ZNF580: variants seen among roughly 807,000 people sequenced by gnomAD.
ZNF580 encodes the protein LDL-induced EC protein.
In ZNF580, 1 loss-of-function variant was observed where a neutral mutation model predicts 1.3. That is an observed-to-expected ratio of 0.77 (90% CI 0.27 to 3.65). The LOEUF is 3.65. Among genes scored for constraint, ZNF580 ranks in the 30% most tolerant of loss-of-function variants. The pLI is 0.19. For missense variants in ZNF580, 268 were observed against 272.3 expected (o/e 0.98, Z 0.11); for synonymous variants, 135 against 128.8 (o/e 1.05, Z -0.32).
chr19:55,642,276 TG>T lies in ZNF580; in HGVS notation c.-12-219del, dbSNP rs1982550765. The T allele has an allele frequency of 3.2e-6, 4 of 1,241,816 alleles. No homozygotes were observed. In the African/African-American group the frequency reaches 6.2e-5, roughly 19 times the overall value. The allele number at this position is 1,241,816 out of a possible 1,614,324, so 76.9% of individuals were successfully genotyped here. On this transcript the variant is annotated intron_variant, in intron 1 of 1. Transcript: ENST00000325333. Reference sequence around the variant, plus strand: ...AGGTGGACCCAGGAGGAGTGGCAGGTGGTGGCGGGGTTTTGCAGAGCTCAGT... The same window carrying T: ...AGGTGGACCCAGGAGGAGTGGCAGGTGTGGCGGGGTTTTGCAGAGCTCAGT...
chr19:55,642,906 G>A lies in ZNF580; in HGVS notation c.398G>A (p.Ser133Asn), dbSNP rs774148399. ...GACGKAFKRS[S>N]HLSRHRATHR... ...TGCGGCAAGGCCTTCAAGCGCTCCA[G>A]CCACCTGTCGCGGCATCGCGCCACG... is the stretch of plus-strand genomic sequence containing the variant. The change falls in exon 2 of 2, where the codon AGC becomes AAC. Residue 133 changes from serine (S) to asparagine (N), a missense_variant. Ser to Asn is a conservative substitution (Grantham distance 46). Coordinates refer to ENST00000325333, the MANE Select transcript of ZNF580 (RefSeq NM_207115.2). 6.5e-7 allele frequency: 1 copy of A among 1,535,386 alleles called. No individual in the cohort carries two copies. Among genetic ancestry groups the A allele is most frequent in the Non-Finnish European group, 8.7e-7 (1 of 1,148,120 alleles).
rs1350066769 is a variant in ZNF580 at position 55,642,534 on chromosome 19, C to T, written c.26C>T (p.Pro9Leu). The T allele has an allele frequency of 2.8e-6, 4 of 1,441,820 alleles. No individual in the cohort carries two copies. Among genetic ancestry groups the T allele is most frequent in the Non-Finnish European group, 3.6e-6 (4 of 1,099,858 alleles). The allele number at this position is 1,441,820 out of a possible 1,614,324, so 89.3% of individuals were successfully genotyped here. ...ATGCTGCTGCTGCCGCCGCGGCCAC[C>T]CCACCCTCGGTCCTCCTCTCCGGAG... MLLLPPRP[P>L]HPRSSSPEAM... The change falls in exon 2 of 2, where the codon CCC becomes CTC. Residue 9 changes from proline (P) to leucine (L), a missense_variant. Transcript: ENST00000325333.
chr19:55,641,228 GC>G, intron 1 of ZNF580, 45 bp downstream of exon 1: 1 of 971,792 alleles, frequency 1.0e-6, no homozygotes. Flanking sequence ...CTGGGACGAC[GC>G]CGGGGCCAGG....
rs1263600949 is a variant in ZNF580 at position 55,642,870 on chromosome 19, C to A, written c.362C>A (p.Thr121Lys). Reference sequence around the variant, plus strand: ...TCGCACTCGGACCTCAAGCCCTTCACGTGCGGCGCCTGCGGCAAGGCCTTC... The same window carrying A: ...TCGCACTCGGACCTCAAGCCCTTCAAGTGCGGCGCCTGCGGCAAGGCCTTC... ...RVSHSDLKPFTCGACGKAFKR... is the reference protein window; with the variant it reads ...RVSHSDLKPFKCGACGKAFKR... The change falls in exon 2 of 2, where the codon ACG (threonine) becomes AAG (lysine). Residue 121 changes from threonine to lysine, a missense_variant. By Grantham distance (78) the Thr-to-Lys change is moderately conservative. This residue lies in a region of ZNF580 where 225 missense variants were observed against 201.7 expected (regional missense o/e 1.12). Transcript: ENST00000325333. 2 of 1,566,840 alleles carry A rather than the reference C, an allele frequency of 1.3e-6. No homozygotes were observed. Among genetic ancestry groups the A allele is most frequent in the Admixed American group, 1.8e-5 (1 of 56,848 alleles).
Position 55,642,841 on chromosome 19 carries a change from C to T in ZNF580, c.333C>T (p.Arg111=). The T allele has an allele frequency of 6.3e-7, 1 of 1,575,200 alleles. No individual in the cohort carries two copies. Among genetic ancestry groups the T allele is most frequent in the Non-Finnish European group, 8.6e-7 (1 of 1,169,068 alleles). The part of the protein sequence containing the change: ...FASPLRLQSH[R]VSHSDLKPFT... Reference sequence around the variant, plus strand: ...GCCCTCTGCGGCTGCAGAGCCACCGCGTGTCGCACTCGGACCTCAAGCCCT... The same window carrying T: ...GCCCTCTGCGGCTGCAGAGCCACCGTGTGTCGCACTCGGACCTCAAGCCCT... The change falls in exon 2 of 2, where the codon CGC becomes CGT. Residue 111 remains arginine (R), a synonymous_variant. Coordinates refer to ENST00000325333, the MANE Select transcript of ZNF580 (RefSeq NM_207115.2).
At chr19:55,642,415 T>C in intron 1 of ZNF580, 82 bp from the exon 2 acceptor site, 5 of 1,375,274 alleles carry the variant, frequency 3.6e-6, no homozygotes, top group South Asian at 1.9e-5. Flanking sequence ...CAAGCAGTGA[T>C]AGTGGGGATG....
chr19:55,642,223 C>G (rs962119381), intron 1 of ZNF580: 2 of 1,190,252 alleles, frequency 1.7e-6, no homozygotes, highest in South Asian at 8.2e-5. Flanking sequence ...CGGGGGACTA[C>G]GTCCTCAGAC....
intron 1 of ZNF580, 115 bp from the exon 2 acceptor site, chr19:55,642,382 A>T (rs1043768820): frequency 7.7e-7 from 1 of 1,300,086 alleles, no homozygotes; most frequent in African/African-American, 1.6e-5. Flanking sequence ...CTAGGGAGGT[A>T]GTCAGTGGCG....
chr19:55,642,952 G>A lies in ZNF580; in HGVS notation c.444G>A (p.Pro148=). ...CCACGCACCGCGCCCGCGCCGGGCC[G>A]CCGCACACCTGCCCGCTCTGCCCAC... is the stretch of plus-strand genomic sequence containing the variant. The part of the protein sequence containing the change: ...HRATHRARAG[P]PHTCPLCPRR... The change falls in exon 2 of 2, where the codon CCG becomes CCA. Residue 148 remains proline (P), a synonymous_variant. Coordinates refer to ENST00000325333, the MANE Select transcript of ZNF580 (RefSeq NM_207115.2). 7.0e-7 allele frequency: 1 copy of A among 1,428,112 alleles called. No individual in the cohort carries two copies. Among genetic ancestry groups the A allele is most frequent in the Admixed American group, 3.0e-5 (1 of 33,050 alleles). The allele number at this position is 1,428,112 out of a possible 1,614,324, so 88.5% of individuals were successfully genotyped here.
Position 55,643,044 on chromosome 19 carries a change from G to T in ZNF580, c.*17G>T, listed in dbSNP as rs1222785118. ...CTCCACTAAGCTCGAGACCCGGCCT[G>T]TGCTGCCCTGCCCGTCTCAGGGCCA... On this transcript the variant is annotated 3_prime_UTR_variant, in exon 2 of 2. Coordinates refer to ENST00000325333, the MANE Select transcript of ZNF580 (RefSeq NM_207115.2). 1 of 1,350,280 alleles carries T rather than the reference G, an allele frequency of 7.4e-7. No homozygotes were observed. Among genetic ancestry groups the T allele is most frequent in the Non-Finnish European group, 9.5e-7 (1 of 1,049,780 alleles). 83.6% of individuals were successfully genotyped at this position (1,350,280 alleles called of 1,614,324 possible). A position where few individuals can be genotyped will look rare whatever the true frequency, so the allele number is the denominator to read the frequency against.
At chr19:55,642,268 G>C (rs748615821) in intron 1 of ZNF580, 9 of 1,239,628 alleles carry the variant, frequency 7.3e-6, no homozygotes, top group South Asian at 3.3e-5. Flanking sequence ...CCCAGGAGGA[G>C]TGGCAGGTGG....
At chr19:55,641,421 C>T (rs1423390559) in intron 1 of ZNF580, among the ~76,000 whole-genome samples, 4 of 152,214 alleles carry the variant, frequency 2.6e-5, no homozygotes, top group South Asian at 2.1e-4. Flanking sequence ...CGAAAACGCC[C>T]GGGCGCTGGG....
At position 55,642,844 on chromosome 19, in the gene ZNF580, G is replaced by A; in HGVS notation, c.336G>A (p.Val112=). ...ASPLRLQSHR[V]SHSDLKPFTC... is the part of the protein sequence containing the mutation. The stretch of plus-strand genomic sequence containing the variant: ...CTCTGCGGCTGCAGAGCCACCGCGT[G>A]TCGCACTCGGACCTCAAGCCCTTCA... The change falls in exon 2 of 2, where the codon GTG becomes GTA. Residue 112 remains valine, a synonymous_variant. Coordinates refer to ENST00000325333, the MANE Select transcript of ZNF580 (RefSeq NM_207115.2). 1 of 1,575,166 alleles carries A rather than the reference G, an allele frequency of 6.3e-7. No individual in the cohort carries two copies. The highest frequency in any genetic ancestry group is 2.3e-5 in the East Asian group (1 of 42,896).
At chr19:55,642,181 G>A (rs1012948934) in intron 1 of ZNF580, 39 of 1,118,860 alleles carry the variant, frequency 3.5e-5, no homozygotes, top group Non-Finnish European at 4.3e-5. Flanking sequence ...TGTCTGCTGG[G>A]GTGGGTTGAG....
intron 1 of ZNF580, 25 bp downstream of exon 1, chr19:55,641,208 G>A (rs1022530924): frequency 8.1e-6 from 8 of 984,354 alleles, no homozygotes; most frequent in African/African-American, 7.0e-5. Flanking sequence ...ATGGAGGGAG[G>A]AGCCTGGCCC....
rs34506180 is a variant in ZNF580 at position 55,643,152 on chromosome 19, GTTT to G, written c.*126_*128del. On this transcript the variant is annotated 3_prime_UTR_variant, in exon 2 of 2. Transcript: ENST00000325333. ...GGTTACTGCCTTACCCTGGGCCTCA[GTTT>G]CCCCACCTTCCAAAGGGAGGAGCAT... 966,805 of 1,261,374 alleles carry G rather than the reference GTTT, an allele frequency of 0.77. 372,413 individuals are homozygous for G. The highest frequency in any genetic ancestry group is 0.84 in the Admixed American group (19,959 of 23,680). The allele number at this position is 1,261,374 out of a possible 1,614,324, so 78.1% of individuals were successfully genotyped here.
At position 55,643,066 on chromosome 19, in the gene ZNF580, GCCA is replaced by G. The variant is rs918754761; in HGVS notation, c.*43_*45del. Reference sequence around the variant, plus strand: ...CCTGTGCTGCCCTGCCCGTCTCAGGGCCACCAAGTCTGACCCACACAGCGTCAC... The same window carrying G: ...CCTGTGCTGCCCTGCCCGTCTCAGGGCCAAGTCTGACCCACACAGCGTCAC... On this transcript the variant is annotated 3_prime_UTR_variant, in exon 2 of 2. Transcript: ENST00000325333. 7 of 1,340,068 alleles carry G rather than the reference GCCA, an allele frequency of 5.2e-6. No homozygotes were observed. The African/African-American group carries it at 1.1e-4, about 21-fold the overall frequency. The allele number at this position is 1,340,068 out of a possible 1,614,324, so 83.0% of individuals were successfully genotyped here.
Position 55,642,573 on chromosome 19 carries a change from C to G in ZNF580, c.65C>G (p.Pro22Arg). ...TCCTCTCCGGAGGCCATGGACCCAC[C>G]GCCCCCCAAGGCTCCCCCTTTCCCC... is the stretch of plus-strand genomic sequence containing the variant. ...RSSSPEAMDP[P>R]PPKAPPFPKA... Residue 22 changes from proline to arginine, a missense_variant, in exon 2 of 2, where the codon CCG becomes CGG. By Grantham distance (103) the Pro-to-Arg change is moderately radical. Transcript: ENST00000325333. 1 of 1,451,790 alleles carries G rather than the reference C, an allele frequency of 6.9e-7. No homozygotes were observed. Among genetic ancestry groups the G allele is most frequent in the East Asian group, 2.7e-5 (1 of 36,920 alleles). The allele number at this position is 1,451,790 out of a possible 1,614,324, so 89.9% of individuals were successfully genotyped here.
Position 55,642,731 on chromosome 19 carries a change from G to C in ZNF580, c.223G>C (p.Gly75Arg), listed in dbSNP as rs780430116. Residue 75 changes from glycine (G) to arginine (R), a missense_variant, in exon 2 of 2, where the codon GGC (glycine) becomes CGC (arginine). Coordinates refer to ENST00000325333, the MANE Select transcript of ZNF580 (RefSeq NM_207115.2). ...GGTGCAGCTGGAGGAGGAGCCCCGGGGCCCGCCCCAGCGCGAGGCGCCCCC... is the reference window on the plus strand; with the variant it reads ...GGTGCAGCTGGAGGAGGAGCCCCGGCGCCCGCCCCAGCGCGAGGCGCCCCC... ...YTVQLEEEPRGPPQREAPPGE... is the reference protein window; with the variant it reads ...YTVQLEEEPRRPPQREAPPGE... 2.4e-5 allele frequency: 37 copies of C among 1,515,646 alleles called. No homozygotes were observed. The highest frequency in any genetic ancestry group is 1.3e-4 in the Admixed American group (6 of 47,508). The allele number at this position is 1,515,646 out of a possible 1,614,324, so 93.9% of individuals were successfully genotyped here. A position where few individuals can be genotyped will look rare whatever the true frequency, so the allele number is the denominator to read the frequency against.
Sources: gnomAD v4.1 joint callset for allele counts (sites outside exome capture counted in the v4.1 genomes callset) on GRCh38, gnomAD v4.1.1 for gene constraint, gnomAD v4.1.1 regional missense constraint, MANE v1.5 for transcripts, NCBI Gene and HGNC (gene_info 2026-07-23, HGNC 2026-07-21) for gene names.